The following TRIO variants were observed in gnomAD, a reference collection of about 807,000 sequenced individuals.
The protein encoded by TRIO is triple functional domain protein.
A neutral mutation model predicts 351.9 loss-of-function variants in TRIO; 58 were observed. That is an observed-to-expected ratio of 0.16 (90% confidence interval 0.13 to 0.21). The LOEUF (loss-of-function observed/expected upper bound fraction) is 0.21, where lower values mean the gene tolerates loss of function less well. Ranked by LOEUF, TRIO falls within the 10% of genes least tolerant of loss-of-function variation. TRIO has a pLI of 1.00. For synonymous variants in TRIO, 1,758 were observed against 1,595.7 expected, an observed-to-expected ratio of 1.10 and a Z score of -2.42; for missense variants, 3,201 against 4,027.8, an observed-to-expected ratio of 0.79 and a Z score of 5.56.
chr5:14,495,898 G>A (rs1035388139), intron 49 of TRIO, among the ~76,000 whole-genome samples: 3 of 152,106 alleles, frequency 2.0e-5, no homozygotes, highest in Non-Finnish European at 4.4e-5. Context: ...AACCCACAAG[G>A]TGGAGCTTGC....
intron 15 of TRIO, among the ~76,000 whole-genome samples, chr5:14,366,394 AT>A (rs138203681): frequency 0.025 from 3,779 of 152,272 alleles, 95 homozygotes; most frequent in Non-Finnish European, 0.035. Context: ...CTTGGTTATT[AT>A]GCCATTCAAC....
At chr5:14,366,797 C>T (rs563512953) in intron 15 of TRIO, 63 bp from the exon 16 acceptor site, 3 of 1,607,658 alleles carry the variant, frequency 1.9e-6, no homozygotes, top group East Asian at 4.5e-5. Flanking sequence ...TATCTCACCC[C>T]TGGTGGTCCA....
At chr5:14,361,093 G>T (rs759055992) in intron 13 of TRIO, among the ~76,000 whole-genome samples, 3 of 151,988 alleles carry the variant, frequency 2.0e-5, no homozygotes, top group South Asian at 2.1e-4. Context: ...AAACTTAGCT[G>T]CATATTGAAT....
chr5:14,212,618 G>T (rs1218538933), intron 1 of TRIO, among the ~76,000 whole-genome samples: 1 of 152,060 alleles, frequency 6.6e-6, no homozygotes, highest in Non-Finnish European at 1.5e-5. Flanking sequence ...GTGGTGGGTG[G>T]GTAAGAATTG....
At chr5:14,416,314 C>G (rs536576139) in intron 33 of TRIO, among the ~76,000 whole-genome samples, 3 of 150,596 alleles carry the variant, frequency 2.0e-5, no homozygotes, top group African/African-American at 7.3e-5. Context: ...TTTTAATTAG[C>G]AAACCTGGTT....
chr5:14,145,935 G>A (rs908454833), intron 1 of TRIO, among the ~76,000 whole-genome samples: 1 of 152,182 alleles, frequency 6.6e-6, no homozygotes, highest in Non-Finnish European at 1.5e-5. Flanking sequence ...TCACTGGCTT[G>A]TTCCTTTCTT....
intron 11 of TRIO, among the ~76,000 whole-genome samples, chr5:14,351,536 C>A (rs1375459652): frequency 6.6e-6 from 1 of 152,148 alleles, no homozygotes; most frequent in Non-Finnish European, 1.5e-5. Context: ...GAAACAGATA[C>A]CAATGGCAAC....
intron 18 of TRIO, among the ~76,000 whole-genome samples, chr5:14,370,121 TTC>T (rs1315290501): frequency 3.4e-5 from 5 of 148,876 alleles, no homozygotes; most frequent in African/African-American, 1.3e-4. Flanking sequence ...CTTTCTTTCT[TTC>T]TTTTTTTTTT....
intron 11 of TRIO, among the ~76,000 whole-genome samples, chr5:14,355,716 T>C (rs1018679800): frequency 3.3e-5 from 5 of 152,214 alleles, no homozygotes; most frequent in African/African-American, 7.2e-5. Context: ...CATGAGAATT[T>C]AGAGGAAAAC....
intron 1 of TRIO, among the ~76,000 whole-genome samples, chr5:14,200,391 G>A (rs115832306): frequency 0.014 from 2,140 of 152,278 alleles, 34 homozygotes; most frequent in African/African-American, 0.048. Context: ...TGCGCTTGTC[G>A]CTTGAACAGA....
chr5:14,193,883 C>T (rs533423232), intron 1 of TRIO, among the ~76,000 whole-genome samples: 7 of 126,608 alleles, frequency 5.5e-5, no homozygotes, highest in African/African-American at 1.5e-4. Flanking sequence ...TAACAGTGAC[C>T]GTTTACTGTG....
At chr5:14,246,825 G>A (rs560190221) in intron 1 of TRIO, among the ~76,000 whole-genome samples, 24 of 152,222 alleles carry the variant, frequency 1.6e-4, no homozygotes, top group Admixed American at 1.4e-3. Context: ...CGGATTCTTC[G>A]GAGACACCCC....
intron 1 of TRIO, chr5:14,184,088 C>G: frequency 1.6e-6 from 1 of 624,900 alleles, no homozygotes; most frequent in Non-Finnish European, 2.9e-6. Context: ...GATGAGCAGC[C>G]ATGACAGAGA....
intron 3 of TRIO, among the ~76,000 whole-genome samples, chr5:14,282,096 T>C (rs1736055995): frequency 6.6e-6 from 1 of 152,172 alleles, no homozygotes; most frequent in East Asian, 1.9e-4. Flanking sequence ...GAGAAAACTA[T>C]CACTGTGTGG....
intron 1 of TRIO, among the ~76,000 whole-genome samples, chr5:14,187,205 A>G (rs572705192): frequency 4.6e-5 from 7 of 152,334 alleles, no homozygotes; most frequent in East Asian, 3.9e-4. Context: ...ACTAAAATGT[A>G]TTATACTTTT....
intron 1 of TRIO, among the ~76,000 whole-genome samples, chr5:14,218,258 C>T (rs1271222016): frequency 2.0e-5 from 3 of 152,112 alleles, no homozygotes; most frequent in East Asian, 1.9e-4. Flanking sequence ...GTGAAGTCGT[C>T]GGTTTAAAGA....
intron 13 of TRIO, among the ~76,000 whole-genome samples, chr5:14,361,418 G>T (rs1391547441): frequency 6.6e-6 from 1 of 152,182 alleles, no homozygotes; most frequent in African/African-American, 2.4e-5. Context: ...CTGCAGCCCA[G>T]TCTCAGGCCA....
At chr5:14,457,039 C>T (rs1440744773) in intron 34 of TRIO, among the ~76,000 whole-genome samples, 4 of 151,982 alleles carry the variant, frequency 2.6e-5, no homozygotes, top group Admixed American at 6.6e-5. Flanking sequence ...AGTTTTTTCC[C>T]CACCAGAGAG....
intron 17 of TRIO, 79 bp from the exon 18 acceptor site, chr5:14,369,295 C>A: frequency 1.3e-6 from 2 of 1,509,028 alleles, no homozygotes; most frequent in South Asian, 1.4e-5. Flanking sequence ...CCCCAGAGCC[C>A]GACTGAAAGG....
Sources: gnomAD v4.1 joint callset for allele counts (sites outside exome capture counted in the v4.1 genomes callset) on GRCh38, gnomAD v4.1.1 for gene constraint, MANE v1.5 for transcripts, NCBI Gene and HGNC (gene_info 2026-07-23, HGNC 2026-07-21) for gene names.